The following SDK1 variants were observed in gnomAD, a reference collection of about 807,000 sequenced individuals.
SDK1 encodes the protein sidekick cell adhesion molecule 1.
SDK1 carries 157 observed loss-of-function variants against 245.5 expected under a neutral mutation model. The ratio of observed to expected loss-of-function variants is 0.64; its 90% confidence interval spans 0.56 to 0.73. The LOEUF is 0.73. SDK1 is among the 30% of genes least tolerant of loss of function. The probability of loss-of-function intolerance (pLI) is 0.00; values close to 1 mark genes in which losing one functional copy is unlikely to be tolerated. For synonymous variants in SDK1, 1,647 were observed against 1,278.5 expected (o/e 1.29, Z -6.15); for missense variants, 3,583 against 3,002.3 (o/e 1.19, Z -4.52).
chr7:4,142,120 AGAT>A (rs1220363653), intron 28 of SDK1, among the ~76,000 whole-genome samples: 7 of 152,176 alleles, frequency 4.6e-5, no homozygotes, highest in African/African-American at 1.4e-4. Flanking sequence ...AAAATCAGTG[AGAT>A]GATCCCACCT....
At chr7:3,705,472 T>G (rs1583325050) in intron 4 of SDK1, among the ~76,000 whole-genome samples, 1 of 140,164 alleles carries the variant, frequency 7.1e-6, no homozygotes, top group Non-Finnish European at 1.5e-5. Context: ...TTTTATTTTA[T>G]TTTATTTTAT....
intron 4 of SDK1, among the ~76,000 whole-genome samples, chr7:3,768,124 C>T (rs1219971396): frequency 6.6e-6 from 1 of 152,190 alleles, no homozygotes; most frequent in Non-Finnish European, 1.5e-5. Flanking sequence ...TGGTCATTAA[C>T]GTGCCATTTA....
At chr7:3,877,844 G>A (rs1341501393) in intron 5 of SDK1, among the ~76,000 whole-genome samples, 1 of 152,228 alleles carries the variant, frequency 6.6e-6, no homozygotes, top group African/African-American at 2.4e-5. Context: ...CCATGATATG[G>A]ATTTTCTAAA....
intron 5 of SDK1, among the ~76,000 whole-genome samples, chr7:3,900,989 C>T (rs1002963040): frequency 1.3e-5 from 2 of 151,982 alleles, no homozygotes; most frequent in Admixed American, 6.6e-5. Flanking sequence ...TCAATTCTAG[C>T]GTCCAATTAA....
intron 1 of SDK1, among the ~76,000 whole-genome samples, chr7:3,422,791 A>C (rs1779567759): frequency 6.6e-6 from 1 of 152,220 alleles, no homozygotes; most frequent in South Asian, 2.1e-4. Context: ...AAATGATACA[A>C]ATATGATAGA....
At chr7:4,178,299 T>C (rs1172858497) in intron 34 of SDK1, among the ~76,000 whole-genome samples, 186 bp from the exon 35 acceptor site, 1 of 152,108 alleles carries the variant, frequency 6.6e-6, no homozygotes, top group Admixed American at 6.5e-5. Context: ...TGGTGGGTGC[T>C]TAGTTAATAG....
intron 1 of SDK1, among the ~76,000 whole-genome samples, chr7:3,574,001 C>G (rs1351238615): frequency 5.3e-5 from 8 of 152,072 alleles, no homozygotes; most frequent in Non-Finnish European, 8.8e-5. Context: ...CTTTGTGAAG[C>G]TACTGTTTTC....
Position 4,220,240 on chromosome 7 carries a change from C to G in SDK1, c.5671C>G (p.Gln1891Glu). Residue 1891 changes from glutamine (Q) to glutamate (E), a missense_variant, in exon 39 of 45, where the codon CAA (glutamine) becomes GAA (glutamate). Transcript: ENST00000404826. The part of the protein sequence containing the change: ...ARTITYGPEL[Q>E]ANITAGPAEG... ...GACCATCACCTACGGGCCCGAGCTCCAAGCCAATATCACAGCCGGGCCAGC... is the reference window on the plus strand; with the variant it reads ...GACCATCACCTACGGGCCCGAGCTCGAAGCCAATATCACAGCCGGGCCAGC... 2 of 1,611,892 alleles carry G rather than the reference C, an allele frequency of 1.2e-6. No individual in the cohort carries two copies. Among genetic ancestry groups the G allele is most frequent in the South Asian group, 2.2e-5 (2 of 90,920 alleles).
intron 1 of SDK1, among the ~76,000 whole-genome samples, chr7:3,317,159 C>T (rs1026073932): frequency 9.8e-6 from 1 of 102,154 alleles, no homozygotes; most frequent in African/African-American, 4.0e-5. Context: ...CCAACCTGGG[C>T]AACAGAGTGA....
At chr7:3,613,668 C>T (rs1433453270) in intron 1 of SDK1, among the ~76,000 whole-genome samples, 1 of 152,106 alleles carries the variant, frequency 6.6e-6, no homozygotes, top group Non-Finnish European at 1.5e-5. Context: ...ATAAATCGTT[C>T]TATTATAGAG....
chr7:3,563,619 C>G (rs1368575465), intron 1 of SDK1, among the ~76,000 whole-genome samples: 1 of 152,158 alleles, frequency 6.6e-6, no homozygotes, highest in Non-Finnish European at 1.5e-5. Context: ...ATTTTTAACA[C>G]ACTGTTCTCA....
At chr7:3,800,102 C>G (rs148169346) in intron 4 of SDK1, among the ~76,000 whole-genome samples, 3 of 152,174 alleles carry the variant, frequency 2.0e-5, no homozygotes, top group Non-Finnish European at 2.9e-5. Context: ...CTCTCAGTCT[C>G]CAACGTTTCT....
chr7:4,105,272 C>T (rs1279007261), intron 22 of SDK1, among the ~76,000 whole-genome samples: 2 of 151,980 alleles, frequency 1.3e-5, no homozygotes, highest in African/African-American at 4.8e-5. Context: ...TGTGAGCCAC[C>T]GCGCCTGGCC....
intron 4 of SDK1, among the ~76,000 whole-genome samples, chr7:3,781,835 C>T (rs1435983060): frequency 1.3e-5 from 2 of 151,988 alleles, no homozygotes; most frequent in Non-Finnish European, 2.9e-5. Flanking sequence ...AATTAGTGAT[C>T]TGGAAGACAG....
intron 1 of SDK1, among the ~76,000 whole-genome samples, chr7:3,583,474 G>A (rs1170887330): frequency 3.9e-5 from 6 of 152,176 alleles, no homozygotes; most frequent in African/African-American, 1.4e-4. Context: ...TATGTGAGGA[G>A]CTAAGACATT....
chr7:3,978,360 G>C (rs577324763), intron 13 of SDK1, among the ~76,000 whole-genome samples: 1 of 152,190 alleles, frequency 6.6e-6, no homozygotes, highest in South Asian at 2.1e-4. Context: ...TTTCCTCTAA[G>C]TAAAATACAT....
chr7:3,882,570 G>A (rs1781233497), intron 5 of SDK1, among the ~76,000 whole-genome samples: 1 of 152,162 alleles, frequency 6.6e-6, no homozygotes, highest in Admixed American at 6.5e-5. Flanking sequence ...ACCTAGTCTG[G>A]GATGAAATTT....
intron 5 of SDK1, among the ~76,000 whole-genome samples, chr7:3,859,956 G>A (rs940856026): frequency 1.3e-5 from 2 of 150,190 alleles, no homozygotes; most frequent in African/African-American, 4.9e-5. Flanking sequence ...GTCTTACTCT[G>A]TCGCCCAGGC....
At chr7:3,739,257 A>G (rs908554831) in intron 4 of SDK1, among the ~76,000 whole-genome samples, 10 of 152,156 alleles carry the variant, frequency 6.6e-5, no homozygotes, top group African/African-American at 2.2e-4. Flanking sequence ...ACTTTTATGT[A>G]GCTGGGTGTT....
Sources: allele counts gnomAD v4.1 joint callset (sites outside exome capture counted in the v4.1 genomes callset), GRCh38; gene constraint gnomAD v4.1.1; transcripts MANE v1.5; gene names NCBI Gene and HGNC (gene_info 2026-07-23, HGNC 2026-07-21).